HMCN2: variants seen among roughly 807,000 people sequenced by gnomAD.
HMCN2 encodes the protein hemicentin 2, also known as hemicentin-2.
A neutral mutation model predicts 377.5 loss-of-function variants in HMCN2; 325 were observed. The ratio of observed to expected loss-of-function variants is 0.86; its 90% CI spans 0.79 to 0.94. The LOEUF (loss-of-function observed/expected upper bound fraction) is 0.94. HMCN2 is among the 40% of genes least tolerant of loss of function. The pLI is 0.00. For synonymous variants in HMCN2, 2,007 were observed against 2,046.8 expected (o/e 0.98, Z 0.53); for missense variants, 4,543 against 4,725.3 (o/e 0.96, Z 1.13).
rs867889630 is a variant in HMCN2 at position 130,421,932 on chromosome 9, G to A, written c.13232-645G>A. ...AGAGGCAGGCTAACTTCTGTCTCTCGCCCCCTGGAATGCCATCTGCCTAAA... is the reference window on the plus strand; with the variant it reads ...AGAGGCAGGCTAACTTCTGTCTCTCACCCCCTGGAATGCCATCTGCCTAAA... On this transcript the variant is annotated intron_variant, in intron 86 of 97. Transcript: ENST00000683500. 7.9e-5 allele frequency among the ~76,000 whole-genome samples: 12 copies of A among 152,164 alleles called. No homozygotes were observed. The South Asian group carries it at 1.5e-3, about 18-fold the overall frequency.
chr9:130,377,259 G>A (rs7037531), intron 52 of HMCN2, among the ~76,000 whole-genome samples: 94,223 of 151,534 alleles, frequency 0.62, 31,467 homozygotes, highest in East Asian at 0.85. Flanking sequence ...GATTATAGGC[G>A]CCCGCCACCA....
chr9:130,381,634 G>A (rs1195359983), intron 54 of HMCN2, among the ~76,000 whole-genome samples: 1 of 152,172 alleles, frequency 6.6e-6, no homozygotes, highest in African/African-American at 2.4e-5. Context: ...CTCCCAAAGT[G>A]CTGGGATTGT....
intron 23 of HMCN2, among the ~76,000 whole-genome samples, chr9:130,340,125 T>C (rs1319097360): frequency 6.6e-6 from 1 of 152,220 alleles, no homozygotes; most frequent in Non-Finnish European, 1.5e-5. Context: ...ATGGCATCAC[T>C]TGCCATGTAG....
intron 28 of HMCN2, among the ~76,000 whole-genome samples, 152 bp downstream of exon 28, chr9:130,349,283 G>A (rs1030526354): frequency 6.6e-6 from 1 of 152,230 alleles, no homozygotes; most frequent in Non-Finnish European, 1.5e-5. Flanking sequence ...TCCTCACAGA[G>A]CTATCAGGCT....
chr9:130,383,407 G>A (rs1244030394), intron 56 of HMCN2, 97 bp from the exon 57 acceptor site: 1 of 455,634 alleles, frequency 2.2e-6, no homozygotes, highest in African/African-American at 2.1e-5. Context: ...CTGCTTCCCT[G>A]GCATGGGATG....
At chr9:130,284,782 C>A in intron 2 of HMCN2, 109 bp downstream of exon 2, 1 of 443,670 alleles carries the variant, frequency 2.3e-6, no homozygotes, top group African/African-American at 2.0e-5. Context: ...CCACCTCTCC[C>A]TCCTCCTGGG....
At chr9:130,417,542 A>AAC (rs1196774049) in intron 85 of HMCN2, among the ~76,000 whole-genome samples, 1 of 149,488 alleles carries the variant, frequency 6.7e-6, no homozygotes, top group African/African-American at 2.5e-5. Context: ...AAAAAACAAA[A>AAC]AAAAACGAGA....
At chr9:130,297,355 C>T (rs1836227208) in intron 7 of HMCN2, among the ~76,000 whole-genome samples, 1 of 152,114 alleles carries the variant, frequency 6.6e-6, no homozygotes, top group Admixed American at 6.5e-5. Flanking sequence ...TCGAAGCCAC[C>T]CACCAGGGTC....
Position 130,414,146 on chromosome 9 carries a change from C to G in HMCN2, c.12961+3494C>G, listed in dbSNP as rs1342321211. 3.3e-5 allele frequency among the ~76,000 whole-genome samples: 5 copies of G among 152,210 alleles called. No individual in the cohort carries two copies. Among genetic ancestry groups the G allele is most frequent in the Non-Finnish European group, 7.3e-5 (5 of 68,048 alleles). ...CTCGCCCCTGTACCGAGGCACTGCT[C>G]TCCCCACACTGGAGCAGGATGCTGT... is the stretch of plus-strand genomic sequence containing the variant. On this transcript the variant is annotated intron_variant, in intron 85 of 97. Coordinates refer to ENST00000683500, the MANE Select transcript of HMCN2 (RefSeq NM_001291815.2). The surrounding 1 kb of genome is among the most constrained non-coding windows in gnomAD (Gnocchi z 4.4).
At chr9:130,276,321 C>G (rs1204359235) in intron 1 of HMCN2, among the ~76,000 whole-genome samples, 1 of 151,112 alleles carries the variant, frequency 6.6e-6, no homozygotes, top group Non-Finnish European at 1.5e-5. Flanking sequence ...GGCATCTCAT[C>G]ACAGCTGTGG....
intron 39 of HMCN2, among the ~76,000 whole-genome samples, 200 bp downstream of exon 39, chr9:130,362,365 C>T (rs1268074758): frequency 1.3e-5 from 2 of 152,188 alleles, no homozygotes; most frequent in Admixed American, 6.5e-5. Flanking sequence ...ACATGAACCA[C>T]CTACATCATT....
Position 130,354,812 on chromosome 9 carries a change from T to C in HMCN2, c.4914T>C (p.Ala1638=), listed in dbSNP as rs1564808943. The change falls in exon 32 of 98, where the codon GCT becomes GCC. Residue 1638 remains alanine, a synonymous_variant. Coordinates refer to ENST00000683500, the MANE Select transcript of HMCN2 (RefSeq NM_001291815.2). ...GAGGRPYVVK[A]VAGRPVALEC... ...GTGGAAGACCATACGTGGTGAAGGCTGTGGCTGGGAGGCCTGTGGCGCTGG... is the reference window on the plus strand; with the variant it reads ...GTGGAAGACCATACGTGGTGAAGGCCGTGGCTGGGAGGCCTGTGGCGCTGG... The C allele has an allele frequency of 7.7e-7, 1 of 1,304,042 alleles. No individual in the cohort carries two copies. The highest frequency in any genetic ancestry group is 1.5e-5 in the African/African-American group (1 of 65,876). The allele number at this position is 1,304,042 out of a possible 1,614,324, so 80.8% of individuals were successfully genotyped here. A position where few individuals can be genotyped will look rare whatever the true frequency, so the allele number is the denominator to read the frequency against.
At chr9:130,317,507 T>TCTCTC (rs1837627187) in intron 15 of HMCN2, among the ~76,000 whole-genome samples, 1 of 133,070 alleles carries the variant, frequency 7.5e-6, no homozygotes, top group African/African-American at 2.8e-5. Flanking sequence ...CTCTCTCTCT[T>TCTCTC]TTTTGTAGAC....
chr9:130,295,602 A>G (rs1554931731), intron 5 of HMCN2, 64 bp from the exon 6 acceptor site: 1 of 438,778 alleles, frequency 2.3e-6, no homozygotes, highest in East Asian at 7.2e-5. Context: ...TCCTGGAGAC[A>G]TGCGGGGCTC....
At chr9:130,385,102 A>G (rs1841949724) in intron 59 of HMCN2, among the ~76,000 whole-genome samples, 1 of 152,046 alleles carries the variant, frequency 6.6e-6, no homozygotes. Flanking sequence ...TTTAGCAAGG[A>G]CTCGCTGGAA....
chr9:130,359,152 C>T (rs1020378861), intron 36 of HMCN2, among the ~76,000 whole-genome samples, 167 bp from the exon 37 acceptor site: 6 of 152,048 alleles, frequency 3.9e-5, no homozygotes, highest in South Asian at 2.1e-4. Flanking sequence ...TGTTCTTGGG[C>T]TTGCTTCCAG....
intron 75 of HMCN2, 68 bp from the exon 76 acceptor site, chr9:130,399,443 C>A (rs1842761998): frequency 1.7e-6 from 2 of 1,198,082 alleles, no homozygotes; most frequent in Admixed American, 3.0e-5. Context: ...GAGACCCCCA[C>A]AGCCAGAAAG....
chr9:130,349,533 C>T lies in HMCN2; in HGVS notation c.4304-4C>T, dbSNP rs1197189367. 2 of 1,302,272 alleles carry T rather than the reference C, an allele frequency of 1.5e-6. No homozygotes were observed. The highest frequency in any genetic ancestry group is 2.0e-6 in the Non-Finnish European group (2 of 988,602). The allele number at this position is 1,302,272 out of a possible 1,614,324, so 80.7% of individuals were successfully genotyped here. On this transcript the variant is annotated splice_polypyrimidine_tract_variant and splice_region_variant and intron_variant, in intron 28 of 97. Coordinates refer to ENST00000683500, the MANE Select transcript of HMCN2 (RefSeq NM_001291815.2). ...TCCCACCCCTCACGCCTTCTCACCC[C>T]CAGCCCCTCCTTCCGTGCTTGGAGC... is the stretch of plus-strand genomic sequence containing the variant.
Position 130,278,028 on chromosome 9 carries a change from G to GATCATCACCACCACCACC in HMCN2, c.260-6559_260-6558insCCATCATCACCACCACCA, listed in dbSNP as rs1564740425. ...CCACCATCATCATCACCACCACCAC[G>GATCATCACCACCACCACC]ATCATCACCACCACCATCATCATTA... On this transcript the variant is annotated intron_variant, in intron 1 of 97. Transcript: ENST00000683500. Among the ~76,000 whole-genome samples, 3 of 4,882 alleles carry GATCATCACCACCACCACC rather than the reference G, an allele frequency of 6.1e-4. 1 individual carries two copies. The highest frequency in any genetic ancestry group is 6.3e-4 in the Non-Finnish European group (2 of 3,168). 3.2% of individuals were successfully genotyped at this position (4,882 alleles called of 152,430 possible).
Sources: gnomAD v4.1 joint callset for allele counts (sites outside exome capture counted in the v4.1 genomes callset) on GRCh38, gnomAD v4.1.1 for gene constraint, Gnocchi (gnomAD v3.1) non-coding constraint, MANE v1.5 for transcripts, NCBI Gene and HGNC (gene_info 2026-07-23, HGNC 2026-07-21) for gene names.